Variants in CAMSAP3 observed in about 807,000 individuals in gnomAD.
CAMSAP3 encodes the protein calmodulin regulated spectrin associated protein family member 3, also known as calmodulin-regulated spectrin-associated protein 3.
CAMSAP3 carries 34 observed loss-of-function variants against 112.5 expected under a neutral mutation model. The observed-to-expected ratio is 0.30, with a 90% CI of 0.23 to 0.40. The LOEUF is 0.40. Ranked by LOEUF, CAMSAP3 falls within the 10% of genes least tolerant of loss-of-function variation. The pLI is 1.00. For synonymous variants in CAMSAP3, 868 were observed against 799.8 expected (o/e 1.09, Z -1.44); for missense variants, 1,602 against 1,770.3 (o/e 0.90, Z 1.71).
Position 7,607,714 on chromosome 19 carries a change from G to T in CAMSAP3, c.622-412G>T. 1 of 450,380 alleles carries T rather than the reference G, an allele frequency of 2.2e-6. No individual in the cohort carries two copies. The highest frequency in any genetic ancestry group is 4.2e-5 in the East Asian group (1 of 23,758). The allele number at this position is 450,380 out of a possible 1,614,324, so 27.9% of individuals were successfully genotyped here. On this transcript the variant is annotated intron_variant, in intron 4 of 16. Transcript: ENST00000160298. This position sits in a 1 kb window ranked among gnomAD's most constrained non-coding sequence, Gnocchi z 4.9. ...GAGCAGTCAGGGAGCTGGACGGCCGGGGCTCAGGACCAGGGTCAGGGCTAC... is the reference window on the plus strand; with the variant it reads ...GAGCAGTCAGGGAGCTGGACGGCCGTGGCTCAGGACCAGGGTCAGGGCTAC...
chr19:7,603,206 T>C (rs796169073), intron 1 of CAMSAP3, among the ~76,000 whole-genome samples: 2 of 151,496 alleles, frequency 1.3e-5, no homozygotes, highest in African/African-American at 4.8e-5. Context: ...TTTTCTTTTT[T>C]TTTCTTTCTT....
At position 7,617,800 on chromosome 19, in the gene CAMSAP3, T is replaced by A. The variant is rs1340882309; in HGVS notation, c.3493T>A (p.Ser1165Thr). 6.2e-7 allele frequency: 1 copy of A among 1,613,146 alleles called. No homozygotes were observed. ...ANHFLILFRD[S>T]SCQFRALYTL... ...CCACTTCCTGATCCTCTTTCGCGAC[T>A]CGAGCTGCCAGTTCCGGGCGCTCTA... is the stretch of plus-strand genomic sequence containing the variant. The change falls in exon 17 of 17, where the codon TCG (serine) becomes ACG (threonine). Residue 1165 changes from serine (S) to threonine (T), a missense_variant. Transcript: ENST00000160298. This position sits in a 1 kb window ranked among gnomAD's most constrained non-coding sequence, Gnocchi z 7.5.
intron 1 of CAMSAP3, among the ~76,000 whole-genome samples, chr19:7,601,555 A>G (rs138181271): frequency 6.6e-6 from 1 of 152,036 alleles, no homozygotes; most frequent in African/African-American, 2.4e-5. Context: ...TTTCTATCAG[A>G]CAGCAGTGTT....
intron 1 of CAMSAP3, among the ~76,000 whole-genome samples, chr19:7,600,081 A>G (rs1221055337): frequency 1.8e-4 from 3 of 16,496 alleles, no homozygotes; most frequent in East Asian, 1.4e-3. Flanking sequence ...CCATCCACCC[A>G]CCCATCCATC....
Position 7,612,733 on chromosome 19 carries a change from G to A in CAMSAP3, c.2240G>A (p.Gly747Asp). ...APPPAAWVIP[G>D]PTTGPKAASP... ...CCACCTGCTGCGTGGGTCATCCCTG[G>A]CCCCACGACGGGGCCCAAAGCTGCA... The change falls in exon 11 of 17, where the codon GGC becomes GAC. Residue 747 changes from glycine (G) to aspartate (D), a missense_variant. Physicochemically the swap from Gly to Asp is moderately conservative, Grantham distance 94. Around this residue, in one of 6 missense-constraint regions of CAMSAP3, gnomAD observed 1,100 missense variants for 1,135.7 expected, o/e 0.97. Transcript: ENST00000160298. 1 of 1,531,866 alleles carries A rather than the reference G, an allele frequency of 6.5e-7. No homozygotes were observed. Among genetic ancestry groups the A allele is most frequent in the Non-Finnish European group, 8.7e-7 (1 of 1,144,612 alleles). 94.9% of individuals were successfully genotyped at this position (1,531,866 alleles called of 1,614,324 possible).
chr19:7,616,664 C>A, intron 14 of CAMSAP3, 42 bp downstream of exon 14: 1 of 1,434,996 alleles, frequency 7.0e-7, no homozygotes, highest in Non-Finnish European at 9.7e-7. Flanking sequence ...TGCCGGGTGG[C>A]TTCCCAGAGC....
intron 1 of CAMSAP3, among the ~76,000 whole-genome samples, chr19:7,598,254 C>G (rs1219435624): frequency 6.6e-6 from 1 of 152,098 alleles, no homozygotes; most frequent in African/African-American, 2.4e-5. Context: ...AAGTTTGACA[C>G]GGAGAAGAGA....
intron 14 of CAMSAP3, 90 bp downstream of exon 14, chr19:7,616,712 C>A: frequency 1.1e-6 from 1 of 892,500 alleles, no homozygotes; most frequent in Non-Finnish European, 1.8e-6. Context: ...ACCTAGAGGG[C>A]GGTATGGCTC....
Position 7,610,051 on chromosome 19 carries a change from G to C in CAMSAP3, c.761-425G>C, listed in dbSNP as rs1039508189. Reference sequence around the variant, plus strand: ...TAATTCACCTCGGCCGGGTACAGTGGCTCACGCCTGTAATCCCAGCACTTT... The same window carrying C: ...TAATTCACCTCGGCCGGGTACAGTGCCTCACGCCTGTAATCCCAGCACTTT... On this transcript the variant is annotated intron_variant, in intron 5 of 16. Coordinates refer to ENST00000160298, the MANE Select transcript of CAMSAP3 (RefSeq NM_020902.2). The surrounding 1 kb of genome is among the most constrained non-coding windows in gnomAD (Gnocchi z 4.9). Among the ~76,000 whole-genome samples the C allele has an allele frequency of 4.6e-5, 7 of 152,160 alleles. No individual in the cohort carries two copies. The highest frequency in any genetic ancestry group is 8.8e-5 in the Non-Finnish European group (6 of 68,026).
At chr19:7,616,465 G>A (rs807812) in intron 13 of CAMSAP3, 58 bp from the exon 14 acceptor site, 212,143 of 1,190,828 alleles carry the variant, frequency 0.18, 19,989 homozygotes, top group Non-Finnish European at 0.2. Flanking sequence ...CTGCTGGACC[G>A]GGTGTTGTGG....
In CAMSAP3 at chr19:7,615,541, G is replaced by T. The variant is rs187857282; in HGVS notation, c.2934G>T (p.Thr978=). 5 of 1,531,828 alleles carry T rather than the reference G, an allele frequency of 3.3e-6. No individual in the cohort carries two copies. The highest frequency in any genetic ancestry group is 3.5e-6 in the Non-Finnish European group (4 of 1,141,598). 94.9% of individuals were successfully genotyped at this position (1,531,828 alleles called of 1,614,324 possible). The change falls in exon 13 of 17, where the codon ACG becomes ACT. Residue 978 remains threonine, a synonymous_variant. Coordinates refer to ENST00000160298, the MANE Select transcript of CAMSAP3 (RefSeq NM_020902.2). This position sits in a 1 kb window ranked among gnomAD's most constrained non-coding sequence, Gnocchi z 6.5. ...EEVGPRKGDF[T]RQEYERRAQL... ...TGGGCCCCCGGAAGGGGGACTTCAC[G>T]CGGCAGGAGTACGAGCGCCGGGCCC...
chr19:7,605,592 T>G, intron 2 of CAMSAP3, 113 bp downstream of exon 2: 1 of 1,235,488 alleles, frequency 8.1e-7, no homozygotes, highest in Non-Finnish European at 1.1e-6. Context: ...CTTGGCTCCT[T>G]TCAAGCTTTG....
rs1010609965 is a variant in CAMSAP3, at chr19:7,610,346, C to T, written c.761-130C>T. ...AAAAAAAAAAAAAGAATTCACCTCT[C>T]GAAGGGCACCTGGCAGAAGCTGGGC... is the stretch of plus-strand genomic sequence containing the variant. On this transcript the variant is annotated intron_variant, in intron 5 of 16. Transcript: ENST00000160298. The surrounding 1 kb of genome is among the most constrained non-coding windows in gnomAD (Gnocchi z 4.9). The T allele has an allele frequency of 3.0e-5, 23 of 768,010 alleles. No homozygotes were observed. The highest frequency in any genetic ancestry group is 5.3e-5 in the African/African-American group (3 of 56,948). 47.6% of individuals were successfully genotyped at this position (768,010 alleles called of 1,614,324 possible). A position where few individuals can be genotyped will look rare whatever the true frequency, so the allele number is the denominator to read the frequency against.
rs532644204 is a variant in CAMSAP3, at chr19:7,609,573, A to G, written c.761-903A>G. On this transcript the variant is annotated intron_variant, in intron 5 of 16. Transcript: ENST00000160298. ...CCAGGGACCGGTTTTGTGGAAGACA[A>G]TTTTTCCACAGATGGAGGCAGGGAG... is the stretch of plus-strand genomic sequence containing the variant. Among the ~76,000 whole-genome samples, 4 of 152,168 alleles carry G rather than the reference A, an allele frequency of 2.6e-5. No individual in the cohort carries two copies. In the South Asian group the frequency reaches 6.2e-4, roughly 24 times the overall value.
intron 1 of CAMSAP3, among the ~76,000 whole-genome samples, chr19:7,604,884 C>T (rs984613953): frequency 3.3e-5 from 5 of 152,154 alleles, no homozygotes; most frequent in African/African-American, 9.7e-5. Context: ...ATTGTCTTTC[C>T]TGGGACCTAC....
rs972521801 is a variant in CAMSAP3, at chr19:7,609,191, G to A, written c.760+927G>A. 5.9e-5 allele frequency among the ~76,000 whole-genome samples: 9 copies of A among 151,618 alleles called. No individual in the cohort carries two copies. In the South Asian group the frequency reaches 6.3e-4, roughly 11 times the overall value. On this transcript the variant is annotated intron_variant, in intron 5 of 16. Transcript: ENST00000160298. The stretch of plus-strand genomic sequence containing the variant: ...AAATTAGCCGGGTGCGGTGGCGGGC[G>A]CCTGTAATCCCAGCTACACAGGAGG...
Position 7,611,320 on chromosome 19 carries a change from C to T in CAMSAP3, c.1123+152C>T. Reference sequence around the variant, plus strand: ...CAAAGTGACCCCCAGAATGGCCTCCCCAGTGGCCCCACAGTACCCCGTAGT... The same window carrying T: ...CAAAGTGACCCCCAGAATGGCCTCCTCAGTGGCCCCACAGTACCCCGTAGT... On this transcript the variant is annotated intron_variant, in intron 9 of 16. Coordinates refer to ENST00000160298, the MANE Select transcript of CAMSAP3 (RefSeq NM_020902.2). The surrounding 1 kb of genome is among the most constrained non-coding windows in gnomAD (Gnocchi z 6.9). 1.0e-5 allele frequency: 9 copies of T among 897,640 alleles called. No homozygotes were observed. Among genetic ancestry groups the T allele is most frequent in the Admixed American group, 2.3e-5 (1 of 42,770 alleles). 55.6% of individuals were successfully genotyped at this position (897,640 alleles called of 1,614,324 possible).
In CAMSAP3 at chr19:7,613,105, T is replaced by TGGA. The variant is rs1314699828; in HGVS notation, c.2621_2623dup (p.Glu874dup). 1 of 1,535,450 alleles carries TGGA rather than the reference T, an allele frequency of 6.5e-7. No homozygotes were observed. The highest frequency in any genetic ancestry group is 1.4e-5 in the African/African-American group (1 of 70,022). ...AGCCCCGCTGGTGCTGAGGATTCCT[T>TGGA]GGAGGAGGAGGCGTCTTCGGAGGGG... On this transcript the variant is annotated inframe_insertion, in exon 11 of 17. Transcript: ENST00000160298.
In CAMSAP3 at chr19:7,612,950, C is replaced by T. The variant is rs747913590; in HGVS notation, c.2457C>T (p.Pro819=). The T allele has an allele frequency of 5.6e-6, 9 of 1,607,490 alleles. No individual in the cohort carries two copies. In the Admixed American group the frequency reaches 1.0e-4, roughly 18 times the overall value. Residue 819 remains proline, a synonymous_variant, in exon 11 of 17, where the codon CCC becomes CCT. Coordinates refer to ENST00000160298, the MANE Select transcript of CAMSAP3 (RefSeq NM_020902.2). Reference sequence around the variant, plus strand: ...GCAAGTTCTCGCCGAGCCAGGTGCCCGTGCAGACGCGCTCTTCCATCCTCC... The same window carrying T: ...GCAAGTTCTCGCCGAGCCAGGTGCCTGTGCAGACGCGCTCTTCCATCCTCC... The part of the protein sequence containing the change: ...HLRKFSPSQV[P]VQTRSSILLA...
Sources: gnomAD v4.1 joint callset for allele counts (sites outside exome capture counted in the v4.1 genomes callset) on GRCh38, gnomAD v4.1.1 for gene constraint, gnomAD v4.1.1 regional missense constraint, Gnocchi (gnomAD v3.1) non-coding constraint, MANE v1.5 for transcripts, NCBI Gene and HGNC (gene_info 2026-07-23, HGNC 2026-07-21) for gene names.